Variants in ACTR3C observed in about 807,000 individuals in gnomAD.
ACTR3C encodes actin related protein 3C.
ACTR3C carries 18 observed loss-of-function variants against 26.3 expected under a neutral mutation model. The ratio of observed to expected loss-of-function variants is 0.68; its 90% CI spans 0.47 to 1.01. The LOEUF is 1.01. Ranked by LOEUF, ACTR3C falls within the 50% of genes least tolerant of loss-of-function variation. ACTR3C has a pLI of 0.00. For synonymous variants in ACTR3C, 55 were observed against 94.5 expected, an observed-to-expected ratio of 0.58 and a Z score of 2.42; for missense variants, 184 against 250.7, an observed-to-expected ratio of 0.73 and a Z score of 1.80.
At chr7:150,090,705 T>C in the ACTR3C span, among the ~76,000 whole-genome samples, 1 of 147,962 alleles carries the variant, frequency 6.8e-6, no homozygotes, top group Non-Finnish European at 1.5e-5. Flanking sequence ...TTTAGGCAAA[T>C]AAATTTTGCT....
At chr7:150,041,512 G>A in the ACTR3C span, 1 of 222,628 alleles carries the variant, frequency 4.5e-6, no homozygotes, top group Non-Finnish European at 7.4e-6. Context: ...AAGCCAGGGG[G>A]GGAAGAGGGT....
chr7:150,105,085 C>CTTTTTTTTTTTTTTT, the ACTR3C span, among the ~76,000 whole-genome samples: 1 of 138,604 alleles, frequency 7.2e-6, no homozygotes. Flanking sequence ...TTCTTTTTTT[C>CTTTTTTTTTTTTTTT]TTTTTTTTTT....
At chr7:150,199,747 A>AC in the ACTR3C span, among the ~76,000 whole-genome samples, 21 of 145,482 alleles carry the variant, frequency 1.4e-4, no homozygotes, top group African/African-American at 5.1e-4. Context: ...AAAAAAAAAA[A>AC]CATAGTACTG....
the ACTR3C span, among the ~76,000 whole-genome samples, chr7:150,217,986 G>A: frequency 2.0e-5 from 3 of 152,162 alleles, no homozygotes; most frequent in Admixed American, 2.0e-4. Flanking sequence ...AAATGAATGA[G>A]ACCAAACAAA....
the ACTR3C span, among the ~76,000 whole-genome samples, chr7:150,143,988 A>C: frequency 0.016 from 2,510 of 152,286 alleles, 61 homozygotes; most frequent in African/African-American, 0.057. Context: ...GTCAAGACTC[A>C]CAGAGAGCAA....
chr7:150,200,848 C>T, the ACTR3C span, among the ~76,000 whole-genome samples: 5 of 152,002 alleles, frequency 3.3e-5, no homozygotes, highest in African/African-American at 1.2e-4. Flanking sequence ...CATATGGTAC[C>T]CTCTCCTTTA....
At chr7:150,019,654 G>A in the ACTR3C span, among the ~76,000 whole-genome samples, 1 of 149,190 alleles carries the variant, frequency 6.7e-6, no homozygotes, top group Admixed American at 6.6e-5. Context: ...TCTATTTAAG[G>A]TTCTCAACAG....
chr7:150,107,392 T>A, the ACTR3C span, among the ~76,000 whole-genome samples: 1 of 151,900 alleles, frequency 6.6e-6, no homozygotes, highest in African/African-American at 2.4e-5. Context: ...GAAGATGGGA[T>A]CAATCTTGGT....
intron 6 of ACTR3C, among the ~76,000 whole-genome samples, chr7:150,251,263 T>C (rs906309893): frequency 6.6e-6 from 1 of 152,242 alleles, no homozygotes; most frequent in African/African-American, 2.4e-5. Flanking sequence ...CTTACTCGTG[T>C]TCAACACTAA....
chr7:150,110,462 A>C, the ACTR3C span, among the ~76,000 whole-genome samples: 5 of 78,844 alleles, frequency 6.3e-5, no homozygotes, highest in African/African-American at 2.6e-4. Context: ...GGGCTGGAAG[A>C]GGGTGGGGCT....
chr7:149,969,860 G>T, the ACTR3C span, among the ~76,000 whole-genome samples: 2 of 152,132 alleles, frequency 1.3e-5, no homozygotes, highest in Non-Finnish European at 2.9e-5. Context: ...AGGCAAAGAA[G>T]AAGAGGGGAT....
At chr7:149,999,752 G>A in the ACTR3C span, among the ~76,000 whole-genome samples, 1 of 151,010 alleles carries the variant, frequency 6.6e-6, no homozygotes, top group African/African-American at 2.4e-5. Flanking sequence ...CAGCTGCAGT[G>A]AACGCCAGGT....
At chr7:149,928,471 G>A in the ACTR3C span, among the ~76,000 whole-genome samples, 5,254 of 149,232 alleles carry the variant, frequency 0.035, 315 homozygotes, top group African/African-American at 0.12. Context: ...CCACCTCCTC[G>A]GCCTCCCAAA....
chr7:150,147,939 T>A, the ACTR3C span, among the ~76,000 whole-genome samples: 1 of 147,786 alleles, frequency 6.8e-6, no homozygotes, highest in Non-Finnish European at 1.5e-5. Flanking sequence ...AAGTGGGAGC[T>A]AAAGGATGAG....
the ACTR3C span, among the ~76,000 whole-genome samples, chr7:149,938,973 T>C: frequency 1.0e-4 from 15 of 147,280 alleles, no homozygotes; most frequent in Admixed American, 8.1e-4. Flanking sequence ...ATTATATACA[T>C]ATATATGTAT....
chr7:149,891,661 C>T, the ACTR3C span, among the ~76,000 whole-genome samples: 2 of 150,844 alleles, frequency 1.3e-5, no homozygotes, highest in South Asian at 2.1e-4. Context: ...ACTGTCTCTA[C>T]AAAAAATTAA....
chr7:150,072,567 T>C, the ACTR3C span, among the ~76,000 whole-genome samples: 1 of 144,476 alleles, frequency 6.9e-6, no homozygotes, highest in East Asian at 2.2e-4. Context: ...CCAGGACGCC[T>C]GGGCACCTGG....
At chr7:150,140,185 T>C in the ACTR3C span, among the ~76,000 whole-genome samples, 22 of 152,260 alleles carry the variant, frequency 1.4e-4, no homozygotes, top group Non-Finnish European at 2.8e-4. Context: ...TCACTCACTC[T>C]TTCCAGCTTT....
the ACTR3C span, among the ~76,000 whole-genome samples, chr7:150,067,307 T>C: frequency 1.3e-5 from 2 of 152,192 alleles, no homozygotes; most frequent in African/African-American, 4.8e-5. Flanking sequence ...AACGCAAGTG[T>C]CTTCTCCCCA....
Sources: gnomAD v4.1 joint callset for allele counts (sites outside exome capture counted in the v4.1 genomes callset) on GRCh38, gnomAD v4.1.1 for gene constraint, MANE v1.5 for transcripts, NCBI Gene and HGNC (gene_info 2026-07-23, HGNC 2026-07-21) for gene names.